The following NTN1 variants were observed in gnomAD, a reference collection of about 807,000 sequenced individuals.
NTN1 encodes netrin 1.
In NTN1, 11 loss-of-function variants were observed where a neutral mutation model predicts 54.2. The observed-to-expected ratio is 0.20, with a 90% CI of 0.13 to 0.34. NTN1 has a LOEUF of 0.34. Among genes scored for constraint, NTN1 ranks in the 10% least tolerant of loss-of-function variants. The probability of loss-of-function intolerance (pLI) is 1.00; values close to 1 mark genes in which losing one functional copy is unlikely to be tolerated. For missense variants in NTN1, 740 were observed against 893.1 expected (o/e 0.83, Z 2.18); for synonymous variants, 371 against 382.0 (o/e 0.97, Z 0.33).
chr17:9,032,321 C>A (rs1173747139), intron 2 of NTN1, among the ~76,000 whole-genome samples: 1 of 152,222 alleles, frequency 6.6e-6, no homozygotes, highest in Non-Finnish European at 1.5e-5. Flanking sequence ...AAAGAGTGGT[C>A]CCCCAAGGAA....
chr17:9,228,173 G>A (rs1384778191), intron 6 of NTN1, among the ~76,000 whole-genome samples: 1 of 152,132 alleles, frequency 6.6e-6, no homozygotes, highest in Non-Finnish European at 1.5e-5. Flanking sequence ...GCCTGAGGTG[G>A]GCACACACAC....
chr17:9,217,823 A>G lies in NTN1; in HGVS notation c.1412-3345A>G, dbSNP rs150019555. Among the ~76,000 whole-genome samples the G allele has an allele frequency of 3.3e-3, 492 of 151,086 alleles. 3 individuals are homozygous for G. Among genetic ancestry groups the G allele is most frequent in the African/African-American group, 0.011 (469 of 40,960 alleles). On this transcript the variant is annotated intron_variant, in intron 5 of 6. Coordinates refer to ENST00000173229, the MANE Select transcript of NTN1 (RefSeq NM_004822.3). ...TTGCAACAAGCACACTGATCTGACA[A>G]GAATTTCCAGCTGACAGAAAGGAAA...
At chr17:9,199,448 T>C (rs968693044) in intron 5 of NTN1, among the ~76,000 whole-genome samples, 10 of 152,244 alleles carry the variant, frequency 6.6e-5, no homozygotes, top group Admixed American at 3.3e-4. Context: ...GGCCCTGCTA[T>C]TTCTTACTTT....
At chr17:9,119,437 C>G (rs2092225281) in intron 2 of NTN1, among the ~76,000 whole-genome samples, 1 of 151,982 alleles carries the variant, frequency 6.6e-6, no homozygotes. Flanking sequence ...ATCCACCTGC[C>G]TCGGCCTCCC....
chr17:9,004,979 C>A, the NTN1 span, among the ~76,000 whole-genome samples: 1 of 152,210 alleles, frequency 6.6e-6, no homozygotes, highest in Non-Finnish European at 1.5e-5. Context: ...GTCATCCCTC[C>A]CCTCTGTGTC....
chr17:9,083,773 T>C (rs1261934007), intron 2 of NTN1, among the ~76,000 whole-genome samples: 2 of 152,228 alleles, frequency 1.3e-5, no homozygotes, highest in Non-Finnish European at 2.9e-5. Context: ...CATCCCTGAA[T>C]GAACCCGGTT....
chr17:9,020,984 C>T (rs1328098093), upstream of NTN1, among the ~76,000 whole-genome samples: 1 of 152,184 alleles, frequency 6.6e-6, no homozygotes, highest in East Asian at 1.9e-4. Context: ...TCCTCCTCCT[C>T]TTCCTCACGC....
the NTN1 span, among the ~76,000 whole-genome samples, chr17:9,007,565 TTTC>T: frequency 2.0e-5 from 3 of 150,572 alleles, no homozygotes; most frequent in African/African-American, 4.9e-5. Context: ...TTTTCTTTTA[TTTC>T]TTTTCTTTCT....
At chr17:9,019,117 G>A (rs1401429685), upstream of NTN1, among the ~76,000 whole-genome samples, 1 of 152,158 alleles carries the variant, frequency 6.6e-6, no homozygotes, top group East Asian at 1.9e-4. Context: ...TGTAGAGGTT[G>A]GAACTCCAGG....
chr17:9,151,139 AG>A (rs1375525355), intron 2 of NTN1, among the ~76,000 whole-genome samples: 1 of 152,108 alleles, frequency 6.6e-6, no homozygotes, highest in African/African-American at 2.4e-5. Context: ...TTCCCCCAGA[AG>A]CCTAAGAGGG....
chr17:9,191,974 C>T (rs1162198951), intron 5 of NTN1, among the ~76,000 whole-genome samples: 3 of 132,394 alleles, frequency 2.3e-5, no homozygotes, highest in African/African-American at 8.4e-5. Flanking sequence ...GACCCTGTCT[C>T]AAAAAAAAAA....
chr17:9,147,711 C>T (rs770160985), intron 2 of NTN1, among the ~76,000 whole-genome samples: 1 of 152,096 alleles, frequency 6.6e-6, no homozygotes, highest in Non-Finnish European at 1.5e-5. Flanking sequence ...AAGTCACTGT[C>T]CCCCAGGGGT....
chr17:9,103,907 G>A (rs899204071), intron 2 of NTN1, among the ~76,000 whole-genome samples: 15 of 151,808 alleles, frequency 9.9e-5, no homozygotes, highest in Admixed American at 3.9e-4. Flanking sequence ...CCAACTTGGC[G>A]AAACTCCATC....
chr17:9,061,134 T>TA (rs2091996870), intron 2 of NTN1, among the ~76,000 whole-genome samples: 1 of 152,188 alleles, frequency 6.6e-6, no homozygotes, highest in African/African-American at 2.4e-5. Context: ...TTTGTAGTGA[T>TA]AGAGCATTCT....
At chr17:9,144,287 C>G (rs9914190) in intron 2 of NTN1, among the ~76,000 whole-genome samples, 4,655 of 152,040 alleles carry the variant, frequency 0.031, 242 homozygotes, top group African/African-American at 0.11. Flanking sequence ...TAGTAGGTCT[C>G]CCATAGCTGC....
Position 9,241,298 on chromosome 17 carries a change from C to T in NTN1, c.*1330C>T, listed in dbSNP as rs1237719124. On this transcript the variant is annotated 3_prime_UTR_variant, in exon 7 of 7. Transcript: ENST00000173229. ...GGCCTGGGCCACACCTTGACCGTGCCTTTCCAGACGGTCTTTGTGGAGTCT... is the reference window on the plus strand; with the variant it reads ...GGCCTGGGCCACACCTTGACCGTGCTTTTCCAGACGGTCTTTGTGGAGTCT... The T allele has an allele frequency of 2.6e-5, 4 of 152,448 alleles. No homozygotes were observed. Among genetic ancestry groups the T allele is most frequent in the African/African-American group, 9.6e-5 (4 of 41,468 alleles). The allele number at this position is 152,448 out of a possible 1,614,324, so 9.4% of individuals were successfully genotyped here. A position where few individuals can be genotyped will look rare whatever the true frequency, so the allele number is the denominator to read the frequency against.
At chr17:9,123,797 A>AGAAGTGGAATAGCCAGG (rs2092237916) in intron 2 of NTN1, among the ~76,000 whole-genome samples, 1 of 152,016 alleles carries the variant, frequency 6.6e-6, no homozygotes, top group South Asian at 2.1e-4. Context: ...CTTGGTTCCT[A>AGAAGTGGAATAGCCAGG]TCACAGTTCT....
chr17:9,119,317 A>G (rs2092224909), intron 2 of NTN1, among the ~76,000 whole-genome samples: 1 of 151,918 alleles, frequency 6.6e-6, no homozygotes, highest in Non-Finnish European at 1.5e-5. Flanking sequence ...CCTCCTGAGT[A>G]GCTGGGATTA....
intron 2 of NTN1, among the ~76,000 whole-genome samples, chr17:9,028,508 A>C (rs927975925): frequency 6.6e-5 from 10 of 152,164 alleles, no homozygotes; most frequent in Non-Finnish European, 1.5e-5. Context: ...CGTGCTCTCT[A>C]TTAGCCCTGC....
Sources: gnomAD v4.1 joint callset for allele counts (sites outside exome capture counted in the v4.1 genomes callset) on GRCh38, gnomAD v4.1.1 for gene constraint, MANE v1.5 for transcripts, NCBI Gene and HGNC (gene_info 2026-07-23, HGNC 2026-07-21) for gene names.